THBS2: variants seen among roughly 807,000 people sequenced by gnomAD.
The protein encoded by THBS2 is thrombospondin 2.
Under a neutral mutation model 135.2 loss-of-function variants are expected in THBS2, and 47 were observed. That is an observed-to-expected ratio of 0.35 (90% CI 0.28 to 0.44). The LOEUF is 0.44. THBS2 is among the 20% of genes least tolerant of loss of function. THBS2 has a pLI of 1.00. For synonymous variants in THBS2, 639 were observed against 633.8 expected (o/e 1.01, Z -0.12); for missense variants, 1,288 against 1,603.1 (o/e 0.80, Z 3.36).
chr6:169,251,489 G>A (rs1168579950), intron 1 of THBS2, among the ~76,000 whole-genome samples: 2 of 152,154 alleles, frequency 1.3e-5, no homozygotes, highest in Non-Finnish European at 2.9e-5. Flanking sequence ...CCCGAAGTCA[G>A]GAGATGTGGT....
Position 169,225,200 on chromosome 6 carries a change from G to A in THBS2, c.2718C>T (p.Pro906=), listed in dbSNP as rs61739589. Reference sequence around the variant, plus strand: ...CAAGCCGGCAGTTGTCCCTGTCATCGGGGACGCCATCGTTGTCATCATCAG... The same window carrying A: ...CAAGCCGGCAGTTGTCCCTGTCATCAGGGACGCCATCGTTGTCATCATCAG... The part of the protein sequence containing the change: ...CDPDDDNDGV[P]DDRDNCRLVF... Residue 906 remains proline, a synonymous_variant, in exon 17 of 22, where the codon CCC becomes CCT. Coordinates refer to ENST00000617924, the MANE Select transcript of THBS2 (RefSeq NM_003247.5). The A allele has an allele frequency of 1.2e-3, 2,007 of 1,614,170 alleles. 25 individuals are homozygous for A. The African/African-American group carries it at 0.024, about 19-fold the overall frequency.
At chr6:169,243,621 A>G (rs1336223292) in intron 4 of THBS2, among the ~76,000 whole-genome samples, 3 of 152,218 alleles carry the variant, frequency 2.0e-5, no homozygotes, top group Non-Finnish European at 4.4e-5. Context: ...CAATCAGGTC[A>G]ATATCAACAC....
intron 15 of THBS2, among the ~76,000 whole-genome samples, chr6:169,227,252 G>A (rs6914839): frequency 6.6e-6 from 1 of 151,934 alleles, no homozygotes; most frequent in Non-Finnish European, 1.5e-5. Context: ...CCAGCGTGGA[G>A]GCGAGCCTGC....
At chr6:169,245,589 G>C (rs1472493830) in intron 4 of THBS2, among the ~76,000 whole-genome samples, 2 of 152,022 alleles carry the variant, frequency 1.3e-5, no homozygotes, top group South Asian at 2.1e-4. Context: ...TCAGGAGATC[G>C]AGACCATCTT....
chr6:169,245,512 GC>G (rs562762855), intron 4 of THBS2, among the ~76,000 whole-genome samples: 355 of 152,246 alleles, frequency 2.3e-3, no homozygotes, highest in Non-Finnish European at 4.0e-3. Context: ...AAACTTCTAG[GC>G]CGGGCGTGGT....
At chr6:169,236,185 CATCCACA>C (rs1780052250) in intron 9 of THBS2, among the ~76,000 whole-genome samples, 4 of 117,956 alleles carry the variant, frequency 3.4e-5, no homozygotes, top group Admixed American at 8.5e-5. Flanking sequence ...ACTCATTCCC[CATCCACA>C]CTCATTGCCC....
Position 169,248,612 on chromosome 6 carries a change from G to A in THBS2, c.414C>T (p.Ser138=), listed in dbSNP as rs1405909235. ...YWIDGTRHVV[S]LEDVGLADSQ... is the part of the protein sequence containing the mutation. ...AGTCAGCCAGGCCGACGTCCTCCAG[G>A]GAGACCACATGCCGGGTGCCGTCAA... Residue 138 remains serine (S), a synonymous_variant, in exon 3 of 22, where the codon TCC becomes TCT. Coordinates refer to ENST00000617924, the MANE Select transcript of THBS2 (RefSeq NM_003247.5). 2.5e-6 allele frequency: 4 copies of A among 1,614,014 alleles called. No homozygotes were observed. Among genetic ancestry groups the A allele is most frequent in the Admixed American group, 1.7e-5 (1 of 60,026 alleles).
intron 4 of THBS2, among the ~76,000 whole-genome samples, chr6:169,242,724 C>G (rs1160123696): frequency 5.0e-5 from 7 of 140,116 alleles, no homozygotes; most frequent in African/African-American, 1.6e-4. Flanking sequence ...CACCTTCCCA[C>G]CTTCCCACCT....
Position 169,225,273 on chromosome 6 carries a change from G to A in THBS2, c.2645C>T (p.Ala882Val), listed in dbSNP as rs753170426. The A allele has an allele frequency of 6.2e-7, 1 of 1,609,152 alleles. No homozygotes were observed. Among genetic ancestry groups the A allele is most frequent in the African/African-American group, 1.3e-5 (1 of 74,844 alleles). ...GTCTCTGTCATGGTCAGCCTGGTTG[G>A]CGTTGGAGATGTAGGGGCAGTTGTC... ...NQDNCPYISN[A>V]NQADHDRDGQ... Residue 882 changes from alanine to valine, a missense_variant, in exon 17 of 22, where the codon GCC (alanine) becomes GTC (valine). Physicochemically the swap from Ala to Val is moderately conservative, Grantham distance 64. Around this residue, in one of 2 missense-constraint regions of THBS2, gnomAD observed 874 missense variants for 1,156.1 expected, o/e 0.76. Coordinates refer to ENST00000617924, the MANE Select transcript of THBS2 (RefSeq NM_003247.5).
intron 13 of THBS2, among the ~76,000 whole-genome samples, chr6:169,230,937 G>T (rs948727897): frequency 6.6e-6 from 1 of 152,150 alleles, no homozygotes; most frequent in South Asian, 2.1e-4. Flanking sequence ...TTAAATAAAT[G>T]AATATATTTA....
chr6:169,250,192 G>C (rs182379198), intron 2 of THBS2, among the ~76,000 whole-genome samples: 4 of 152,300 alleles, frequency 2.6e-5, no homozygotes, highest in African/African-American at 9.6e-5. Context: ...TAAAAGCTTT[G>C]ATTCAGCAAT....
intron 15 of THBS2, 97 bp from the exon 16 acceptor site, chr6:169,226,395 T>A (rs1319546468): frequency 1.2e-6 from 1 of 821,920 alleles, no homozygotes; most frequent in Non-Finnish European, 2.0e-6. Context: ...CGAAATTGCT[T>A]ACAGCCACAC....
At chr6:169,227,809 C>T (rs1010082250) in intron 15 of THBS2, among the ~76,000 whole-genome samples, 3 of 152,314 alleles carry the variant, frequency 2.0e-5, no homozygotes, top group East Asian at 1.9e-4. Flanking sequence ...GGGCCGGGCG[C>T]GGTGGCTCAC....
chr6:169,226,117 G>T, intron 16 of THBS2, 63 bp downstream of exon 16: 3 of 1,479,426 alleles, frequency 2.0e-6, no homozygotes, highest in South Asian at 2.3e-5. Flanking sequence ...CCCCCACACC[G>T]CCACCGTCCC....
intron 15 of THBS2, among the ~76,000 whole-genome samples, chr6:169,227,711 T>A (rs9505890): frequency 0.26 from 39,579 of 152,020 alleles, 5,830 homozygotes; most frequent in African/African-American, 0.39. Context: ...CTTATAGTAG[T>A]GTAAAAATGA....
At chr6:169,232,276 C>T (rs1779866820) in intron 12 of THBS2, 78 bp from the exon 13 acceptor site, 2 of 1,509,524 alleles carry the variant, frequency 1.3e-6, no homozygotes, top group African/African-American at 1.4e-5. Flanking sequence ...CGTCGGGCAC[C>T]GCAGGCCCCA....
intron 3 of THBS2, among the ~76,000 whole-genome samples, chr6:169,248,165 G>A (rs570383319): frequency 6.6e-6 from 1 of 151,486 alleles, no homozygotes; most frequent in Admixed American, 6.6e-5. Flanking sequence ...GTGTTTGTGA[G>A]CATGTGTGTT....
intron 21 of THBS2, among the ~76,000 whole-genome samples, chr6:169,219,632 A>G (rs1013059758): frequency 6.6e-6 from 1 of 152,178 alleles, no homozygotes; most frequent in Non-Finnish European, 1.5e-5. Context: ...GGCATGAGCC[A>G]CTGCCCCCAG....
At chr6:169,220,804 G>A (rs1779398459) in intron 20 of THBS2, among the ~76,000 whole-genome samples, 2 of 152,088 alleles carry the variant, frequency 1.3e-5, no homozygotes, top group African/African-American at 4.8e-5. Flanking sequence ...TAAACAGGAG[G>A]CCCCCTAGGG....
Sources: allele counts gnomAD v4.1 joint callset (sites outside exome capture counted in the v4.1 genomes callset), GRCh38; gene constraint gnomAD v4.1.1; regional missense constraint gnomAD v4.1.1; transcripts MANE v1.5; gene names NCBI Gene and HGNC (gene_info 2026-07-23, HGNC 2026-07-21).